Variants in SAMD11 observed in about 807,000 individuals in gnomAD.
The protein encoded by SAMD11 is sterile alpha motif domain containing 11.
SAMD11 carries 77 observed loss-of-function variants against 64.4 expected under a neutral mutation model. The ratio of observed to expected loss-of-function variants is 1.20; its 90% confidence interval spans 0.99 to 1.44. SAMD11 has a LOEUF of 1.44. Among genes scored for constraint, SAMD11 ranks in the 40% most tolerant of loss-of-function variants. SAMD11 has a pLI of 0.00. For synonymous variants in SAMD11, 658 were observed against 421.9 expected, an observed-to-expected ratio of 1.56 and a Z score of -6.86; for missense variants, 1,402 against 943.3, an observed-to-expected ratio of 1.49 and a Z score of -6.37.
In SAMD11 at chr1:944,176, G is replaced by A. The variant is rs549317147; in HGVS notation, c.*23G>A. On this transcript the variant is annotated 3_prime_UTR_variant, in exon 14 of 14. Coordinates refer to ENST00000616016, the MANE Select transcript of SAMD11 (RefSeq NM_001385641.1). ...TGAGGTTGCCGGGGGTAGGGGTGGG[G>A]CCACACAAATCTCCAGGAGCCACCA... 9.2e-6 allele frequency: 14 copies of A among 1,519,596 alleles called. No homozygotes were observed. Among genetic ancestry groups the A allele is most frequent in the African/African-American group, 2.8e-5 (2 of 72,092 alleles). 94.1% of individuals were successfully genotyped at this position (1,519,596 alleles called of 1,614,324 possible). A position where few individuals can be genotyped will look rare whatever the true frequency, so the allele number is the denominator to read the frequency against.
At chr1:941,101 G>A (rs759817678) in intron 7 of SAMD11, 43 bp from the exon 8 acceptor site, 6 of 1,534,034 alleles carry the variant, frequency 3.9e-6, no homozygotes, top group African/African-American at 2.7e-5. Context: ...GGGAGGATGA[G>A]GGCGCATAGC....
At position 924,200 on chromosome 1, in the gene SAMD11, A is replaced by G. The variant is rs1219476668; in HGVS notation, c.-232A>G. 1 of 149,106 alleles carries G rather than the reference A, an allele frequency of 6.7e-6. No homozygotes were observed. Among genetic ancestry groups the G allele is most frequent in the Non-Finnish European group, 1.5e-5 (1 of 66,930 alleles). 9.2% of individuals were successfully genotyped at this position (149,106 alleles called of 1,614,324 possible). On this transcript the variant is annotated 5_prime_UTR_variant, in exon 1 of 14. Coordinates refer to ENST00000616016, the MANE Select transcript of SAMD11 (RefSeq NM_001385641.1). ...GCGGCGCTCGGCGAGTCGATCCGGGATCGATAGCAGCTCCATGTCTCCGGC... is the reference window on the plus strand; with the variant it reads ...GCGGCGCTCGGCGAGTCGATCCGGGGTCGATAGCAGCTCCATGTCTCCGGC...
chr1:942,742 G>A lies in SAMD11; in HGVS notation c.1737G>A (p.Pro579=). 1 of 1,481,314 alleles carries A rather than the reference G, an allele frequency of 6.8e-7. No individual in the cohort carries two copies. Among genetic ancestry groups the A allele is most frequent in the Non-Finnish European group, 8.9e-7 (1 of 1,124,100 alleles). 91.8% of individuals were successfully genotyped at this position (1,481,314 alleles called of 1,614,324 possible). Residue 579 remains proline, a synonymous_variant, in exon 11 of 14, where the codon CCG becomes CCA. Coordinates refer to ENST00000616016, the MANE Select transcript of SAMD11 (RefSeq NM_001385641.1). ...PLLALPPQGP[P]GSGPPTPSRD... Reference sequence around the variant, plus strand: ...TGGCCCTGCCCCCCCAGGGGCCCCCGGGCTCCGGACCCCCCACCCCGTCCC... The same window carrying A: ...TGGCCCTGCCCCCCCAGGGGCCCCCAGGCTCCGGACCCCCCACCCCGTCCC...
In SAMD11 at chr1:943,556, G is replaced by A. The variant is rs1487317173; in HGVS notation, c.2179-142G>A. 1.2e-5 allele frequency: 8 copies of A among 659,170 alleles called. No homozygotes were observed. The Admixed American group carries it at 1.4e-4, about 12-fold the overall frequency. 40.8% of individuals were successfully genotyped at this position (659,170 alleles called of 1,614,324 possible). A position where few individuals can be genotyped will look rare whatever the true frequency, so the allele number is the denominator to read the frequency against. Reference sequence around the variant, plus strand: ...TTTTTTTTTTTTTTTTTTGCCAGGTGTTTTCTGCCTGACACTCAAACCCAA... The same window carrying A: ...TTTTTTTTTTTTTTTTTTGCCAGGTATTTTCTGCCTGACACTCAAACCCAA... On this transcript the variant is annotated intron_variant, in intron 12 of 13. Coordinates refer to ENST00000616016, the MANE Select transcript of SAMD11 (RefSeq NM_001385641.1).
intron 2 of SAMD11, among the ~76,000 whole-genome samples, chr1:928,346 T>A (rs1015151362): frequency 3.9e-5 from 6 of 152,182 alleles, no homozygotes; most frequent in Admixed American, 2.6e-4. Flanking sequence ...GAGCCCAGAT[T>A]GTGCCACCGC....
In SAMD11 at chr1:935,766, C is replaced by G. The variant is rs376758216; in HGVS notation, c.843-6C>G. The G allele has an allele frequency of 1.9e-6, 3 of 1,613,154 alleles. No individual in the cohort carries two copies. The African/African-American group carries it at 4.0e-5, about 22-fold the overall frequency. On this transcript the variant is annotated splice_region_variant and splice_polypyrimidine_tract_variant and intron_variant, in intron 4 of 13. Transcript: ENST00000616016. ...GGGGTCAGCTTTTCCCGGTCTCGTT[C>G]TGCAGCCAGGACGGCAACCTTCCCA...
At position 931,112 on chromosome 1, in the gene SAMD11, A is replaced by G. The variant is rs776188089; in HGVS notation, c.842+23A>G. On this transcript the variant is annotated intron_variant, in intron 4 of 13. Coordinates refer to ENST00000616016, the MANE Select transcript of SAMD11 (RefSeq NM_001385641.1). ...CAGGTAGGAGCCGTGCTGTGCGTGC[A>G]TAAGAGGGGGCCGTGACTCCCCTCC... 51 of 1,608,304 alleles carry G rather than the reference A, an allele frequency of 3.2e-5. No individual in the cohort carries two copies. In the East Asian group the frequency reaches 1.1e-3, roughly 35 times the overall value.
At chr1:933,990 G>C (rs1224293053) in intron 4 of SAMD11, among the ~76,000 whole-genome samples, 5 of 148,042 alleles carry the variant, frequency 3.4e-5, no homozygotes, top group Non-Finnish European at 7.4e-5. Context: ...AGGGGAGGCG[G>C]CTGCGTTACA....
Position 943,937 on chromosome 1 carries a change from C to T in SAMD11, c.2319C>T (p.Tyr773=), listed in dbSNP as rs7523549. 0.038 allele frequency: 61,664 copies of T among 1,612,608 alleles called. 2,380 individuals are homozygous for T. The highest frequency in any genetic ancestry group is 0.2 in the African/African-American group (15,168 of 74,998). Residue 773 remains tyrosine (Y), a synonymous_variant, in exon 14 of 14, where the codon TAC becomes TAT. Transcript: ENST00000616016. ...CCAGGCGCCTGGGCCGAGTTTTCTACGTGGCCAGCTTCCCCGTGGCTCTGC... is the reference window on the plus strand; with the variant it reads ...CCAGGCGCCTGGGCCGAGTTTTCTATGTGGCCAGCTTCCCCGTGGCTCTGC... ...QVARRLGRVF[Y]VASFPVALPL... is the part of the protein sequence containing the mutation.
rs775979361 is a variant in SAMD11 at position 939,322 on chromosome 1, G to A, written c.1105G>A (p.Asp369Asn). ...RELGPSMAPE[D>N]HYRRLVSALS... is the part of the protein sequence containing the mutation. ...GCTGGGGCCCAGCATGGCCCCGGAG[G>A]ACCATTACCGCCGGCTTGTGTCAGC... is the stretch of plus-strand genomic sequence containing the variant. Residue 369 changes from aspartate (D) to asparagine (N), a missense_variant, in exon 7 of 14, where the codon GAC (aspartate) becomes AAC (asparagine). Transcript: ENST00000616016. The A allele has an allele frequency of 2.5e-6, 4 of 1,611,850 alleles. No individual in the cohort carries two copies. The highest frequency in any genetic ancestry group is 1.1e-5 in the South Asian group (1 of 90,756).
At chr1:939,456 C>A (rs1322903341) in intron 7 of SAMD11, 44 bp downstream of exon 7, 1 of 1,600,284 alleles carries the variant, frequency 6.2e-7, no homozygotes. Context: ...ACCTCCCCAG[C>A]CACGGTGAGG....
Position 942,154 on chromosome 1 carries a change from C to A in SAMD11, c.1377C>A (p.Pro459=), listed in dbSNP as rs773855393. 4 of 1,384,300 alleles carry A rather than the reference C, an allele frequency of 2.9e-6. No individual in the cohort carries two copies. Among genetic ancestry groups the A allele is most frequent in the South Asian group, 1.4e-5 (1 of 70,012 alleles). 85.8% of individuals were successfully genotyped at this position (1,384,300 alleles called of 1,614,324 possible). The change falls in exon 9 of 14, where the codon CCC becomes CCA. Residue 459 remains proline, a synonymous_variant. Coordinates refer to ENST00000616016, the MANE Select transcript of SAMD11 (RefSeq NM_001385641.1). The part of the protein sequence containing the change: ...SFSERELPQP[P]PLLSPQNAPH... ...TCCACAGGGAGCTGCCTCAGCCGCC[C>A]CCCTTGCTGTCGCCGCAGAATGCCC...
At position 944,025 on chromosome 1, in the gene SAMD11, T is replaced by G. The variant is rs768539639; in HGVS notation, c.2407T>G (p.Ser803Ala). ...RELGTGEQPL[S>A]PTTATSPYGG... ...ACTCGGCACAGGAGAGCAGCCCTTGTCCCCCACGACGGCCACGTCCCCCTA... is the reference window on the plus strand; with the variant it reads ...ACTCGGCACAGGAGAGCAGCCCTTGGCCCCCACGACGGCCACGTCCCCCTA... The change falls in exon 14 of 14, where the codon TCC becomes GCC. Residue 803 changes from serine to alanine, a missense_variant. Coordinates refer to ENST00000616016, the MANE Select transcript of SAMD11 (RefSeq NM_001385641.1). 1.2e-6 allele frequency: 2 copies of G among 1,612,768 alleles called. No homozygotes were observed. The highest frequency in any genetic ancestry group is 8.5e-7 in the Non-Finnish European group (1 of 1,179,960).
intron 7 of SAMD11, chr1:940,505 C>A (rs1368230463): frequency 1.3e-5 from 2 of 152,206 alleles, no homozygotes; most frequent in African/African-American, 4.8e-5. Flanking sequence ...GCTGGCGGAG[C>A]CTGCATAGTG....
intron 4 of SAMD11, among the ~76,000 whole-genome samples, chr1:934,119 CA>C (rs1641300665): frequency 5.9e-3 from 1 of 170 alleles, no homozygotes; most frequent in African/African-American, 7.0e-3. Flanking sequence ...TACAGGTGGG[CA>C]GGGGAGGCGG....
intron 5 of SAMD11, among the ~76,000 whole-genome samples, 156 bp from the exon 6 acceptor site, chr1:938,884 G>A (rs552604485): frequency 6.6e-6 from 1 of 152,274 alleles, no homozygotes; most frequent in African/African-American, 2.4e-5. Flanking sequence ...CCTCTGCGCT[G>A]AAGGCTGGGG....
Position 942,116 on chromosome 1 carries a change from C to A in SAMD11, c.1359-20C>A. ...GAACGGGGGCGGGGGGGACGCCGCT[C>A]ATTGCGCTGCCGTCCACAGGGAGCT... On this transcript the variant is annotated intron_variant, in intron 8 of 13. Coordinates refer to ENST00000616016, the MANE Select transcript of SAMD11 (RefSeq NM_001385641.1). 1.2e-6 allele frequency: 1 copy of A among 864,088 alleles called. No homozygotes were observed. The highest frequency in any genetic ancestry group is 1.7e-6 in the Non-Finnish European group (1 of 590,394). The allele number at this position is 864,088 out of a possible 1,614,324, so 53.5% of individuals were successfully genotyped here. A position where few individuals can be genotyped will look rare whatever the true frequency, so the allele number is the denominator to read the frequency against.
chr1:935,813 G>C lies in SAMD11; in HGVS notation c.884G>C (p.Arg295Pro), dbSNP rs200364890. 11 of 1,613,418 alleles carry C rather than the reference G, an allele frequency of 6.8e-6. No individual in the cohort carries two copies. The East Asian group carries it at 2.5e-4, about 36-fold the overall frequency. ...CCCACCCTCATATCCAGCGTCCACC[G>C]CAGCCGCCACCTCGTTATGCCCGAG... is the stretch of plus-strand genomic sequence containing the variant. ...NLPTLISSVH[R>P]SRHLVMPEHQ... Residue 295 changes from arginine to proline, a missense_variant, in exon 5 of 14, where the codon CGC becomes CCC. Coordinates refer to ENST00000616016, the MANE Select transcript of SAMD11 (RefSeq NM_001385641.1).
At chr1:932,288 C>T (rs1188418014) in intron 4 of SAMD11, among the ~76,000 whole-genome samples, 2 of 152,190 alleles carry the variant, frequency 1.3e-5, no homozygotes, top group Non-Finnish European at 2.9e-5. Flanking sequence ...AGTAACGGCT[C>T]CTCCTGCCTG....
Sources: gnomAD v4.1 joint callset for allele counts (sites outside exome capture counted in the v4.1 genomes callset) on GRCh38, gnomAD v4.1.1 for gene constraint, MANE v1.5 for transcripts, NCBI Gene and HGNC (gene_info 2026-07-23, HGNC 2026-07-21) for gene names.